The following RGPD1 variants were observed in gnomAD, a reference collection of about 807,000 sequenced individuals.
The protein encoded by RGPD1 is RANBP2-like and GRIP domain-containing protein 1.
A neutral mutation model predicts 40.6 loss-of-function variants in RGPD1; 7 were observed. The ratio of observed to expected loss-of-function variants is 0.17; its 90% CI spans 0.10 to 0.32. The LOEUF (loss-of-function observed/expected upper bound fraction) is 0.32. Among genes scored for constraint, RGPD1 ranks in the 10% least tolerant of loss-of-function variants. The pLI is 1.00. For missense variants in RGPD1, 50 were observed against 472.5 expected, an observed-to-expected ratio of 0.11 and a Z score of 8.29; for synonymous variants, 24 against 167.0, an observed-to-expected ratio of 0.14 and a Z score of 6.60.
intron 1 of RGPD1, chr2:86,930,523 G>A (rs1375437206): frequency 5.8e-6 from 9 of 1,556,832 alleles, no homozygotes; most frequent in South Asian, 4.5e-5. Flanking sequence ...TTAGCTCGTC[G>A]GTGGCGGAAG....
chr2:86,926,563 A>G (rs1036760846), intron 1 of RGPD1, among the ~76,000 whole-genome samples: 11 of 152,048 alleles, frequency 7.2e-5, no homozygotes, highest in African/African-American at 2.7e-4. Flanking sequence ...GTCCTGTACT[A>G]CAAGAACAAC....
chr2:86,939,615 G>A (rs1679593936), upstream of RGPD1, among the ~76,000 whole-genome samples: 1 of 136,530 alleles, frequency 7.3e-6, no homozygotes, highest in South Asian at 2.3e-4. Flanking sequence ...AGAAAAGAAG[G>A]TTCTCTCTTT....
chr2:86,934,833 C>T (rs1461781970), intron 1 of RGPD1: 1 of 142,346 alleles, frequency 7.0e-6, no homozygotes, highest in Non-Finnish European at 1.6e-5. Flanking sequence ...CTTGGCGACC[C>T]AGTGCACAAC....
chr2:86,931,779 C>T (rs1367389016), intron 1 of RGPD1, among the ~76,000 whole-genome samples: 1 of 149,802 alleles, frequency 6.7e-6, no homozygotes, highest in African/African-American at 2.4e-5. Flanking sequence ...AAAAATCGAT[C>T]ACAGTCTATT....
At chr2:86,943,189 A>AG (rs1491468443) in intron 1 of RGPD1, among the ~76,000 whole-genome samples, 2 of 150,702 alleles carry the variant, frequency 1.3e-5, no homozygotes, top group Non-Finnish European at 3.0e-5. Flanking sequence ...CGCAAATGAC[A>AG]GGGGAAGTCC....
At position 86,944,288 on chromosome 2, in the gene RGPD1, T is replaced by C. The variant is rs561568800; in HGVS notation, c.72+1980T>C. Among the ~76,000 whole-genome samples the C allele has an allele frequency of 1.3e-4, 20 of 152,284 alleles. No individual in the cohort carries two copies. In the South Asian group the frequency reaches 2.7e-3, roughly 20 times the overall value. Reference sequence around the variant, plus strand: ...CCAGAGAAGAAGGATAGATATCTACTTGTACATTGTAATTTCAAACTGCTA... The same window carrying C: ...CCAGAGAAGAAGGATAGATATCTACCTGTACATTGTAATTTCAAACTGCTA... On this transcript the variant is annotated intron_variant, in intron 1 of 22. Coordinates refer to ENST00000641458, the MANE Select transcript of RGPD1 (RefSeq NM_001382344.1).
At position 86,998,553 on chromosome 2, in the gene RGPD1, A is replaced by C. The variant is rs1256502704; in HGVS notation, c.5236+795A>C. 9.6e-4 allele frequency among the ~76,000 whole-genome samples: 95 copies of C among 99,112 alleles called. No individual in the cohort carries two copies. The South Asian group carries it at 0.014, about 14-fold the overall frequency. 65.0% of individuals were successfully genotyped at this position (99,112 alleles called of 152,430 possible). A position where few individuals can be genotyped will look rare whatever the true frequency, so the allele number is the denominator to read the frequency against. On this transcript the variant is annotated intron_variant, in intron 22 of 22. Coordinates refer to ENST00000641458, the MANE Select transcript of RGPD1 (RefSeq NM_001382344.1). ...AAAAAAAAAAAAAAAAAAAAAAAAA[A>C]AAAAAAAAAAACTATGATGTAGTTA...
At chr2:86,930,498 T>C in intron 1 of RGPD1, 1 of 1,501,440 alleles carries the variant, frequency 6.7e-7, no homozygotes. Flanking sequence ...CCGCTGCTGT[T>C]GTTGCAGCCT....
At chr2:86,943,056 A>T (rs1056645205) in intron 1 of RGPD1, among the ~76,000 whole-genome samples, 1 of 150,194 alleles carries the variant, frequency 6.7e-6, no homozygotes, top group East Asian at 2.0e-4. Flanking sequence ...GCTGCGGCGG[A>T]GGTCGTACCT....
chr2:86,930,731 G>T, intron 1 of RGPD1: 10 of 1,511,488 alleles, frequency 6.6e-6, no homozygotes, highest in East Asian at 2.5e-5. Context: ...CCTCGCTGCC[G>T]TTCCCGCTGC....
At position 86,928,870 on chromosome 2, in the gene RGPD1, C is replaced by T. The variant is rs536077649; in HGVS notation, c.72+14949C>T. Among the ~76,000 whole-genome samples the T allele has an allele frequency of 2.9e-3, 439 of 151,796 alleles. 3 individuals are homozygous for T. The highest frequency in any genetic ancestry group is 0.017 in the Middle Eastern group (5 of 294). On this transcript the variant is annotated intron_variant, in intron 1 of 22. Transcript: ENST00000398193. ...GTGTGTCAAGAGGTATGGAGAAGAG[C>T]ACAGAAGTTTTTGGAAACCAAGGGA... is the stretch of plus-strand genomic sequence containing the variant.
chr2:86,945,022 T>C (rs1372758880), intron 1 of RGPD1, among the ~76,000 whole-genome samples: 1 of 151,928 alleles, frequency 6.6e-6, no homozygotes, highest in Non-Finnish European at 1.5e-5. Flanking sequence ...AGCCTGATTT[T>C]TTTTTTTTTA....
chr2:86,943,956 G>T (rs1680125784), intron 1 of RGPD1, among the ~76,000 whole-genome samples: 1 of 151,986 alleles, frequency 6.6e-6, no homozygotes, highest in Non-Finnish European at 1.5e-5. Context: ...GGAGGTTCCA[G>T]TGAGCCGAGG....
chr2:86,942,727 G>T, intron 1 of RGPD1, among the ~76,000 whole-genome samples: 1 of 150,388 alleles, frequency 6.6e-6, no homozygotes, highest in Non-Finnish European at 1.5e-5. Context: ...GGCCTCGATG[G>T]CTCAGGCGTC....
At chr2:86,944,939 C>T (rs1233924702) in intron 1 of RGPD1, among the ~76,000 whole-genome samples, 1 of 150,492 alleles carries the variant, frequency 6.6e-6, no homozygotes, top group African/African-American at 2.4e-5. Flanking sequence ...GGCTGGTCTC[C>T]AACTCCTGGG....
chr2:86,930,927 T>A (rs1484600072), intron 1 of RGPD1, among the ~76,000 whole-genome samples: 1 of 107,254 alleles, frequency 9.3e-6, no homozygotes, highest in Non-Finnish European at 1.9e-5. Context: ...TCTGAGCATA[T>A]ACATCCCCAT....
At chr2:86,940,735 C>T (rs1028938222), upstream of RGPD1, among the ~76,000 whole-genome samples, 5 of 152,068 alleles carry the variant, frequency 3.3e-5, no homozygotes, top group African/African-American at 1.2e-4. Flanking sequence ...AGCTGGGCCT[C>T]AGAACTGTGC....
chr2:86,939,039 A>T (rs978548769), upstream of RGPD1, among the ~76,000 whole-genome samples: 11 of 114,346 alleles, frequency 9.6e-5, no homozygotes, highest in African/African-American at 3.8e-4. Flanking sequence ...AAGGTATACA[A>T]TTTTTATTTG....
chr2:86,926,160 G>A (rs1240002453), intron 1 of RGPD1, among the ~76,000 whole-genome samples: 1 of 152,186 alleles, frequency 6.6e-6, no homozygotes, highest in East Asian at 1.9e-4. Flanking sequence ...TATAATTCTG[G>A]TCTCTCGTCG....
Sources: allele counts gnomAD v4.1 joint callset (sites outside exome capture counted in the v4.1 genomes callset), GRCh38; gene constraint gnomAD v4.1.1; transcripts MANE v1.5; gene names NCBI Gene and HGNC (gene_info 2026-07-23, HGNC 2026-07-21).